Variants in WWOX observed in about 807,000 individuals in gnomAD.
WWOX encodes WW domain containing oxidoreductase.
A neutral mutation model predicts 46.2 loss-of-function variants in WWOX; 69 were observed. The ratio of observed to expected loss-of-function variants is 1.49; its 90% confidence interval spans 1.23 to 1.82. The LOEUF (loss-of-function observed/expected upper bound fraction) is 1.82. Ranked by LOEUF, WWOX falls within the 40% of genes most tolerant of loss-of-function variation. The pLI is 0.00. For missense variants in WWOX, 919 were observed against 542.6 expected, an observed-to-expected ratio of 1.69 and a Z score of -6.89; for synonymous variants, 359 against 202.6, an observed-to-expected ratio of 1.77 and a Z score of -6.56.
At chr16:78,499,301 G>A (rs1311544500) in intron 8 of WWOX, among the ~76,000 whole-genome samples, 1 of 152,194 alleles carries the variant, frequency 6.6e-6, no homozygotes, top group Non-Finnish European at 1.5e-5. Flanking sequence ...CTTGCTTCTG[G>A]TGGTGGGGTG....
At chr16:78,246,823 C>T (rs181552753) in intron 5 of WWOX, among the ~76,000 whole-genome samples, 10 of 152,072 alleles carry the variant, frequency 6.6e-5, no homozygotes, top group East Asian at 1.9e-4. Context: ...CCTGGAAGTG[C>T]GAGCAATTGA....
intron 8 of WWOX, among the ~76,000 whole-genome samples, chr16:79,006,460 A>G (rs2047192853): frequency 6.6e-6 from 1 of 152,088 alleles, no homozygotes; most frequent in South Asian, 2.1e-4. Context: ...TAAGCTGTAG[A>G]TAACAAAAAT....
chr16:78,380,122 G>GGAGAA (rs1200489661), intron 5 of WWOX, among the ~76,000 whole-genome samples: 13 of 152,268 alleles, frequency 8.5e-5, no homozygotes, highest in African/African-American at 2.9e-4. Flanking sequence ...AAGTGTACTT[G>GGAGAA]GGCTACCGGG....
At chr16:78,329,742 TTTTC>T (rs1447268767) in intron 5 of WWOX, among the ~76,000 whole-genome samples, 122 of 152,124 alleles carry the variant, frequency 8.0e-4, no homozygotes, top group African/African-American at 2.7e-3. Flanking sequence ...GGTTTTTTCT[TTTTC>T]TTTCTTTTTT....
intron 8 of WWOX, among the ~76,000 whole-genome samples, chr16:78,698,261 C>G (rs571094601): frequency 1.3e-5 from 2 of 152,144 alleles, no homozygotes; most frequent in Non-Finnish European, 2.9e-5. Flanking sequence ...AGATGAGGTT[C>G]TTGAGTACTT....
chr16:78,737,537 C>A (rs907421096), intron 8 of WWOX, among the ~76,000 whole-genome samples: 1 of 151,980 alleles, frequency 6.6e-6, no homozygotes, highest in African/African-American at 2.4e-5. Flanking sequence ...ACCCATCACC[C>A]GGGCAGTGTA....
At chr16:78,949,046 C>T (rs2046005632) in intron 8 of WWOX, among the ~76,000 whole-genome samples, 2 of 152,132 alleles carry the variant, frequency 1.3e-5, no homozygotes, top group African/African-American at 4.8e-5. Context: ...CTAGCTCTTT[C>T]TGACAGCCAG....
chr16:78,987,234 G>C (rs1007269860), intron 8 of WWOX, among the ~76,000 whole-genome samples: 17 of 152,154 alleles, frequency 1.1e-4, no homozygotes, highest in African/African-American at 4.1e-4. Flanking sequence ...AGTAGGCTGT[G>C]CTTATTAACT....
intron 5 of WWOX, among the ~76,000 whole-genome samples, chr16:78,325,508 G>A (rs1415776138): frequency 2.0e-5 from 3 of 152,084 alleles, no homozygotes; most frequent in Admixed American, 6.5e-5. Context: ...GACAAATGAG[G>A]CAAAGTTACC....
chr16:78,454,387 A>G (rs1248345743), intron 8 of WWOX, among the ~76,000 whole-genome samples: 1 of 150,670 alleles, frequency 6.6e-6, no homozygotes, highest in Non-Finnish European at 1.5e-5. Flanking sequence ...TGTGTATTAT[A>G]TGCATGTGTG....
chr16:78,944,610 A>G (rs905757484), intron 8 of WWOX, among the ~76,000 whole-genome samples: 3 of 152,186 alleles, frequency 2.0e-5, no homozygotes, highest in Non-Finnish European at 4.4e-5. Context: ...CCCAAAGATC[A>G]TACTGGGATC....
intron 8 of WWOX, among the ~76,000 whole-genome samples, chr16:78,451,622 C>T (rs2083693443): frequency 6.6e-6 from 1 of 152,162 alleles, no homozygotes; most frequent in African/African-American, 2.4e-5. Context: ...AAAGTAGCTC[C>T]CACATCTTTG....
intron 8 of WWOX, among the ~76,000 whole-genome samples, chr16:79,086,318 A>G (rs1455710191): frequency 4.6e-5 from 7 of 152,192 alleles, no homozygotes; most frequent in Admixed American, 3.9e-4. Context: ...TACTGTTATT[A>G]TTTTAATTTG....
chr16:79,125,671 C>T (rs554912959), intron 8 of WWOX, among the ~76,000 whole-genome samples: 2 of 152,308 alleles, frequency 1.3e-5, no homozygotes, highest in African/African-American at 4.8e-5. Flanking sequence ...CCCCAACCCC[C>T]AGGCCATGGA....
Position 78,315,974 on chromosome 16 carries a change from G to A in WWOX, c.517-70886G>A, listed in dbSNP as rs145673853. ...GTAAGTGGCACTGCAGGCCAGTTGC[G>A]GTCACTCAAACCTGTAATCCCAGCA... On this transcript the variant is annotated intron_variant, in intron 5 of 8. Transcript: ENST00000566780. 3.7e-3 allele frequency among the ~76,000 whole-genome samples: 569 copies of A among 151,870 alleles called. 4 individuals carry two copies. Among genetic ancestry groups the A allele is most frequent in the African/African-American group, 0.012 (508 of 41,404 alleles).
intron 5 of WWOX, among the ~76,000 whole-genome samples, chr16:78,196,638 C>T (rs80303448): frequency 0.033 from 5,082 of 152,196 alleles, 166 homozygotes; most frequent in East Asian, 0.18. Flanking sequence ...CCAATTAGGG[C>T]GAACCTTGTC....
Position 78,924,005 on chromosome 16 carries a change from C to G in WWOX, c.1057-287603C>G, listed in dbSNP as rs79156784. 2.6e-3 allele frequency among the ~76,000 whole-genome samples: 402 copies of G among 151,752 alleles called. 18 individuals carry two copies. In the East Asian group the frequency reaches 0.065, roughly 24 times the overall value. On this transcript the variant is annotated intron_variant, in intron 8 of 8. Coordinates refer to ENST00000566780, the MANE Select transcript of WWOX (RefSeq NM_016373.4). ...TTTGTTTTGTTTTTTTTAGTAGAGA[C>G]GGGGTTTCACCGTGTTAGCCAAGGA... is the stretch of plus-strand genomic sequence containing the variant.
At chr16:78,754,814 G>A (rs1224536192) in intron 8 of WWOX, among the ~76,000 whole-genome samples, 2 of 152,126 alleles carry the variant, frequency 1.3e-5, no homozygotes, top group African/African-American at 4.8e-5. Context: ...TTATAGATCT[G>A]CACGGTTGGG....
At chr16:78,171,144 C>G (rs1252852305) in intron 5 of WWOX, among the ~76,000 whole-genome samples, 5 of 152,154 alleles carry the variant, frequency 3.3e-5, no homozygotes, top group Non-Finnish European at 7.3e-5. Flanking sequence ...CAACATTTTG[C>G]TGTGCTTTTC....
Sources: allele counts gnomAD v4.1 joint callset (sites outside exome capture counted in the v4.1 genomes callset), GRCh38; gene constraint gnomAD v4.1.1; transcripts MANE v1.5; gene names NCBI Gene and HGNC (gene_info 2026-07-23, HGNC 2026-07-21).